Variants in LRP1B observed in about 807,000 individuals in gnomAD.
LRP1B encodes the protein low-density lipoprotein receptor-related protein 1B.
A neutral mutation model predicts 556.6 loss-of-function variants in LRP1B; 217 were observed. The ratio of observed to expected loss-of-function variants is 0.39; its 90% CI spans 0.35 to 0.44. The LOEUF (loss-of-function observed/expected upper bound fraction) is 0.44. Among genes scored for constraint, LRP1B ranks in the 20% least tolerant of loss-of-function variants. The probability of loss-of-function intolerance (pLI) is 1.00; values close to 1 mark genes in which losing one functional copy is unlikely to be tolerated. For missense variants in LRP1B, 5,053 were observed against 5,620.8 expected, an observed-to-expected ratio of 0.90 and a Z score of 3.23; for synonymous variants, 2,047 against 1,865.8, an observed-to-expected ratio of 1.10 and a Z score of -2.50.
At chr2:142,077,799 G>T (rs932862502) in intron 1 of LRP1B, among the ~76,000 whole-genome samples, 1 of 152,190 alleles carries the variant, frequency 6.6e-6, no homozygotes, top group South Asian at 2.1e-4. Context: ...TGCCCAGAAG[G>T]CCTCAGAAAT....
At chr2:140,460,056 G>A (rs2105327563) in intron 60 of LRP1B, among the ~76,000 whole-genome samples, 1 of 152,238 alleles carries the variant, frequency 6.6e-6, no homozygotes, top group Admixed American at 6.5e-5. Context: ...GGCAGTGTAA[G>A]AATGGACTAA....
At chr2:141,925,917 G>A (rs1700323238) in intron 1 of LRP1B, among the ~76,000 whole-genome samples, 1 of 151,988 alleles carries the variant, frequency 6.6e-6, no homozygotes, top group South Asian at 2.1e-4. Context: ...CTCAACTGGG[G>A]GATAATAGCT....
intron 41 of LRP1B, among the ~76,000 whole-genome samples, chr2:140,626,456 T>C (rs1243563814): frequency 6.6e-6 from 1 of 152,172 alleles, no homozygotes; most frequent in Admixed American, 6.5e-5. Context: ...TGTTCATTTG[T>C]GGAAGAAGGG....
At chr2:141,878,235 G>T (rs1698834288) in intron 1 of LRP1B, among the ~76,000 whole-genome samples, 1 of 151,908 alleles carries the variant, frequency 6.6e-6, no homozygotes, top group African/African-American at 2.4e-5. Flanking sequence ...CCTCACCACA[G>T]CTGGTGAGTG....
chr2:141,569,969 A>T (rs747718604), intron 2 of LRP1B, among the ~76,000 whole-genome samples: 11 of 151,064 alleles, frequency 7.3e-5, no homozygotes, highest in Admixed American at 6.6e-5. Flanking sequence ...GCAGTGGCTC[A>T]TGCCTGTAAT....
At chr2:140,430,177 T>C (rs1685858221) in intron 66 of LRP1B, among the ~76,000 whole-genome samples, 1 of 152,200 alleles carries the variant, frequency 6.6e-6, no homozygotes, top group East Asian at 1.9e-4. Flanking sequence ...GGCTATGCTG[T>C]AGTATCTTCC....
intron 3 of LRP1B, among the ~76,000 whole-genome samples, chr2:141,285,498 C>G (rs113936885): frequency 0.14 from 19,810 of 137,606 alleles, 1,591 homozygotes; most frequent in South Asian, 0.24. Context: ...TTCTGTCGCC[C>G]AGGGTGGAGT....
Position 140,246,487 on chromosome 2 carries a change from G to A in LRP1B, c.13324+599C>T, listed in dbSNP as rs112350667. On this transcript the variant is annotated intron_variant, in intron 87 of 90. Transcript: ENST00000389484. The stretch of plus-strand genomic sequence containing the variant: ...CACAACGATGATATAGACCCACAAC[G>A]ATGATATAGACACAAGTGACCCTAA... Among the ~76,000 whole-genome samples the A allele has an allele frequency of 7.9e-3, 1,191 of 150,816 alleles. 18 individuals are homozygous for A. Among genetic ancestry groups the A allele is most frequent in the Non-Finnish European group, 9.8e-3 (664 of 67,440 alleles).
At chr2:140,235,109 A>T (rs1162579813) in intron 89 of LRP1B, among the ~76,000 whole-genome samples, 2 of 151,150 alleles carry the variant, frequency 1.3e-5, no homozygotes, top group African/African-American at 4.8e-5. Flanking sequence ...TCATAGGTAG[A>T]CATTTCTCTC....
At chr2:140,860,896 C>G (rs1006175272) in intron 27 of LRP1B, among the ~76,000 whole-genome samples, 3 of 152,022 alleles carry the variant, frequency 2.0e-5, no homozygotes, top group Admixed American at 6.6e-5. Context: ...TCACTTTCTC[C>G]ATGGTTACAG....
At chr2:141,031,828 C>T (rs1007209440) in intron 11 of LRP1B, among the ~76,000 whole-genome samples, 1 of 151,216 alleles carries the variant, frequency 6.6e-6, no homozygotes, top group African/African-American at 2.4e-5. Flanking sequence ...CCATTTAGAA[C>T]ATAAGATGAA....
intron 51 of LRP1B, among the ~76,000 whole-genome samples, chr2:140,512,920 G>A (rs1163126361): frequency 6.6e-6 from 1 of 152,130 alleles, no homozygotes; most frequent in Non-Finnish European, 1.5e-5. Context: ...TTTTCTTTAT[G>A]TGTCTCAAGC....
At chr2:140,755,357 C>T (rs1027127303) in intron 35 of LRP1B, among the ~76,000 whole-genome samples, 1 of 151,714 alleles carries the variant, frequency 6.6e-6, no homozygotes, top group Non-Finnish European at 1.5e-5. Context: ...CCAATGATAC[C>T]ATAAGAAAGA....
intron 2 of LRP1B, among the ~76,000 whole-genome samples, chr2:141,666,147 T>C (rs1690424240): frequency 2.6e-5 from 4 of 152,148 alleles, no homozygotes; most frequent in Admixed American, 2.6e-4. Flanking sequence ...TAAAATATTG[T>C]TTCCCTGGAC....
rs567806808 is a variant in LRP1B at position 140,699,070 on chromosome 2, A to C, written c.6799+1180T>G. 2.0e-5 allele frequency among the ~76,000 whole-genome samples: 3 copies of C among 152,200 alleles called. No homozygotes were observed. In the East Asian group the frequency reaches 5.8e-4, roughly 29 times the overall value. On this transcript the variant is annotated intron_variant, in intron 41 of 90. Transcript: ENST00000389484. ...GGTTTTTACCATTTGCAACACACAC[A>C]GTAGGTAATTTACCTTGAAGTGACA...
chr2:141,150,008 G>T (rs925403170), intron 7 of LRP1B, among the ~76,000 whole-genome samples: 5 of 152,130 alleles, frequency 3.3e-5, no homozygotes, highest in South Asian at 2.1e-4. Flanking sequence ...TGCTTGCAAA[G>T]AATAGAATGG....
intron 85 of LRP1B, among the ~76,000 whole-genome samples, chr2:140,272,622 T>C (rs1404893467): frequency 1.3e-5 from 2 of 152,114 alleles, no homozygotes; most frequent in Non-Finnish European, 2.9e-5. Context: ...TGATTAACTT[T>C]ATTGCAATTT....
At chr2:141,327,419 G>T (rs1458718298) in intron 3 of LRP1B, among the ~76,000 whole-genome samples, 1 of 152,092 alleles carries the variant, frequency 6.6e-6, no homozygotes, top group Non-Finnish European at 1.5e-5. Context: ...GGATAAAATA[G>T]TATTTACTGC....
intron 1 of LRP1B, among the ~76,000 whole-genome samples, chr2:141,976,016 T>C (rs1701876487): frequency 6.6e-6 from 1 of 152,150 alleles, no homozygotes; most frequent in South Asian, 2.1e-4. Flanking sequence ...ACTAATATAA[T>C]GGACTATAAA....
Sources: gnomAD v4.1 joint callset for allele counts (sites outside exome capture counted in the v4.1 genomes callset) on GRCh38, gnomAD v4.1.1 for gene constraint, MANE v1.5 for transcripts, NCBI Gene and HGNC (gene_info 2026-07-23, HGNC 2026-07-21) for gene names.